Variants in NEURL1 observed in about 807,000 individuals in gnomAD.
NEURL1 encodes E3 ubiquitin-protein ligase NEURL1.
In NEURL1, 26 loss-of-function variants were observed where a neutral mutation model predicts 41.2. The ratio of observed to expected loss-of-function variants is 0.63; its 90% CI spans 0.46 to 0.87. The LOEUF (loss-of-function observed/expected upper bound fraction) is 0.87, where lower values mean the gene tolerates loss of function less well. Ranked by LOEUF, NEURL1 falls within the 40% of genes least tolerant of loss-of-function variation. NEURL1 has a pLI of 0.00. For missense variants in NEURL1, 761 were observed against 871.1 expected, an observed-to-expected ratio of 0.87 and a Z score of 1.59; for synonymous variants, 400 against 402.3, an observed-to-expected ratio of 0.99 and a Z score of 0.07.
rs554126281 is a variant in NEURL1, at chr10:103,572,531, G to A, written c.649+709G>A. On this transcript the variant is annotated intron_variant, in intron 3 of 5. Coordinates refer to ENST00000369780, the MANE Select transcript of NEURL1 (RefSeq NM_004210.5). ...AGAGAGCAAGGAGGAGGAGCCTCGG[G>A]AAGCAGCCTGGCATGCTCAGGGGCC... is the stretch of plus-strand genomic sequence containing the variant. Among the ~76,000 whole-genome samples, 223 of 152,342 alleles carry A rather than the reference G, an allele frequency of 1.5e-3. 1 individual carries two copies. The highest frequency in any genetic ancestry group is 5.2e-3 in the African/African-American group (218 of 41,574).
At chr10:103,585,421 C>T (rs1480658756) in intron 4 of NEURL1, among the ~76,000 whole-genome samples, 196 bp downstream of exon 4, 1 of 152,128 alleles carries the variant, frequency 6.6e-6, no homozygotes, top group Non-Finnish European at 1.5e-5. Context: ...GGAGACTCAC[C>T]TGGGGGGTGA....
At chr10:103,554,098 G>A (rs2035092595) in intron 1 of NEURL1, among the ~76,000 whole-genome samples, 1 of 152,248 alleles carries the variant, frequency 6.6e-6, no homozygotes, top group African/African-American at 2.4e-5. Flanking sequence ...CACGGTGCAT[G>A]CTCATTGCAT....
In NEURL1 at chr10:103,545,358, C is replaced by T. The variant is rs928331146; in HGVS notation, c.86-25514C>T. 1.3e-5 allele frequency among the ~76,000 whole-genome samples: 2 copies of T among 152,136 alleles called. No homozygotes were observed. Among genetic ancestry groups the T allele is most frequent in the African/African-American group, 4.8e-5 (2 of 41,422 alleles). Reference sequence around the variant, plus strand: ...CCCAGGTCTTTAGGGACTAAAAGCCCCTGTTTGTGGGGCTATGAGATGTGA... The same window carrying T: ...CCCAGGTCTTTAGGGACTAAAAGCCTCTGTTTGTGGGGCTATGAGATGTGA... On this transcript the variant is annotated intron_variant, in intron 1 of 5. Transcript: ENST00000369780. This position sits in a 1 kb window ranked among gnomAD's most constrained non-coding sequence, Gnocchi z 4.5.
At chr10:103,516,044 A>G (rs2034197009) in intron 1 of NEURL1, among the ~76,000 whole-genome samples, 1 of 152,062 alleles carries the variant, frequency 6.6e-6, no homozygotes, top group African/African-American at 2.4e-5. Flanking sequence ...CCTGAGCAAC[A>G]TTGCAAAACA....
Position 103,493,827 on chromosome 10 carries a change from C to T in NEURL1, c.-561C>T, listed in dbSNP as rs982213883. On this transcript the variant is annotated 5_prime_UTR_variant, in exon 1 of 6. Coordinates refer to ENST00000369780, the MANE Select transcript of NEURL1 (RefSeq NM_004210.5). ...GGACCCGGCGCGGGCGGGACCGCGG[C>T]GGTCGGGGGACACCAGCTGCGTCGG... 6.6e-6 allele frequency among the ~76,000 whole-genome samples: 1 copy of T among 151,802 alleles called. No individual in the cohort carries two copies. Among genetic ancestry groups the T allele is most frequent in the African/African-American group, 2.4e-5 (1 of 41,406 alleles).
intron 1 of NEURL1, among the ~76,000 whole-genome samples, chr10:103,532,121 C>A (rs1246806722): frequency 6.6e-6 from 1 of 152,132 alleles, no homozygotes; most frequent in East Asian, 1.9e-4. Context: ...ATAGTTAGGT[C>A]ATTTATTTTC....
chr10:103,519,853 GGT>G (rs1386717285), intron 1 of NEURL1, among the ~76,000 whole-genome samples: 3 of 151,044 alleles, frequency 2.0e-5, no homozygotes, highest in Admixed American at 6.6e-5. Flanking sequence ...GCGTGATAAT[GGT>G]TTATTGCAGC....
At position 103,508,324 on chromosome 10, in the gene NEURL1, C is replaced by T. The variant is rs1399037700; in HGVS notation, c.85+13852C>T. On this transcript the variant is annotated intron_variant, in intron 1 of 5. Transcript: ENST00000369780. The surrounding 1 kb of genome is among the most constrained non-coding windows in gnomAD (Gnocchi z 4.3). ...TGTGAAAGTCCGATCTTCCAAATCT[C>T]ACTCAGATTCTTCCTGGGTCTCTTC... 6.6e-6 allele frequency among the ~76,000 whole-genome samples: 1 copy of T among 152,250 alleles called. No individual in the cohort carries two copies. Among genetic ancestry groups the T allele is most frequent in the African/African-American group, 2.4e-5 (1 of 41,468 alleles).
chr10:103,565,182 A>G (rs1196161026), intron 1 of NEURL1, among the ~76,000 whole-genome samples: 1 of 152,106 alleles, frequency 6.6e-6, no homozygotes, highest in African/African-American at 2.4e-5. Flanking sequence ...AGGGAGGGGC[A>G]GGTCAGGAGG....
At chr10:103,571,459 C>T (rs778941697) in intron 2 of NEURL1, 42 bp from the exon 3 acceptor site, 12 of 1,556,952 alleles carry the variant, frequency 7.7e-6, no homozygotes, top group African/African-American at 1.3e-5. Flanking sequence ...TCTGATTGAC[C>T]AAGTGGGAGA....
At chr10:103,520,002 T>C (rs2034310083) in intron 1 of NEURL1, among the ~76,000 whole-genome samples, 1 of 152,118 alleles carries the variant, frequency 6.6e-6, no homozygotes, top group South Asian at 2.1e-4. Flanking sequence ...CAGGCTGGTC[T>C]CACACTCCTA....
intron 4 of NEURL1, chr10:103,588,699 C>T: frequency 2.3e-6 from 1 of 429,802 alleles, no homozygotes; most frequent in South Asian, 1.6e-5. Flanking sequence ...GCAATCCCAG[C>T]ACTTTGGGAG....
At chr10:103,589,362 A>G (rs1474109527) in intron 4 of NEURL1, 152 bp from the exon 5 acceptor site, 12 of 777,344 alleles carry the variant, frequency 1.5e-5, no homozygotes, top group Non-Finnish European at 2.4e-5. Flanking sequence ...GGTAATATCA[A>G]ATGATCCCCG....
chr10:103,538,941 C>T (rs919571263), intron 1 of NEURL1, among the ~76,000 whole-genome samples: 4 of 134,038 alleles, frequency 3.0e-5, no homozygotes, highest in Non-Finnish European at 6.1e-5. Context: ...GCCACCGCAC[C>T]CGTTTTTTTT....
chr10:103,495,511 A>T (rs2033661966), intron 1 of NEURL1, among the ~76,000 whole-genome samples: 1 of 152,160 alleles, frequency 6.6e-6, no homozygotes, highest in Admixed American at 6.5e-5. Context: ...AGCTAATCAC[A>T]CTATACCCAT....
At chr10:103,547,134 C>T (rs184380585) in intron 1 of NEURL1, among the ~76,000 whole-genome samples, 2 of 152,344 alleles carry the variant, frequency 1.3e-5, no homozygotes, top group Admixed American at 1.3e-4. Context: ...ACTATCAACC[C>T]AATTTTTCAG....
Position 103,566,982 on chromosome 10 carries a change from C to CT in NEURL1, c.86-3876dup, listed in dbSNP as rs796658971. Reference sequence around the variant, plus strand: ...GAAACTTTGTTTCTTTTCTTTCTTTCTTTTTTTTTTTTTTGTTTGAGACAG... The same window carrying CT: ...GAAACTTTGTTTCTTTTCTTTCTTTCTTTTTTTTTTTTTTTGTTTGAGACAG... On this transcript the variant is annotated intron_variant, in intron 1 of 5. Transcript: ENST00000369780. This position sits in a 1 kb window ranked among gnomAD's most constrained non-coding sequence, Gnocchi z 4.2. 2.5e-3 allele frequency among the ~76,000 whole-genome samples: 354 copies of CT among 142,462 alleles called. No homozygotes were observed. The highest frequency in any genetic ancestry group is 4.5e-3 in the African/African-American group (176 of 39,104). The allele number at this position is 142,462 out of a possible 152,430, so 93.5% of individuals were successfully genotyped here.
intron 1 of NEURL1, among the ~76,000 whole-genome samples, chr10:103,514,003 C>G (rs1291460607): frequency 6.6e-6 from 1 of 152,166 alleles, no homozygotes; most frequent in East Asian, 1.9e-4. Flanking sequence ...TGGTTTCCCC[C>G]ATCTGTCCCA....
chr10:103,517,387 G>A (rs756741026), intron 1 of NEURL1: 7 of 152,244 alleles, frequency 4.6e-5, no homozygotes, highest in African/African-American at 7.2e-5. Context: ...AATACCTACT[G>A]TTTAATGACC....
Sources: gnomAD v4.1 joint callset for allele counts (sites outside exome capture counted in the v4.1 genomes callset) on GRCh38, gnomAD v4.1.1 for gene constraint, Gnocchi (gnomAD v3.1) non-coding constraint, MANE v1.5 for transcripts, NCBI Gene and HGNC (gene_info 2026-07-23, HGNC 2026-07-21) for gene names.